DENND2B: variants seen among roughly 807,000 people sequenced by gnomAD.
The protein encoded by DENND2B is DENN domain-containing protein 2B.
A neutral mutation model predicts 116.0 loss-of-function variants in DENND2B; 32 were observed. The ratio of observed to expected loss-of-function variants is 0.28; its 90% confidence interval spans 0.21 to 0.37. The LOEUF is 0.37. Among genes scored for constraint, DENND2B ranks in the 10% least tolerant of loss-of-function variants. DENND2B has a pLI of 1.00. For synonymous variants in DENND2B, 588 were observed against 583.9 expected (o/e 1.01, Z -0.10); for missense variants, 1,276 against 1,477.7 (o/e 0.86, Z 2.24).
chr11:8,820,342 G>A (rs904033771), intron 4 of DENND2B, among the ~76,000 whole-genome samples: 2 of 152,106 alleles, frequency 1.3e-5, no homozygotes, highest in Non-Finnish European at 2.9e-5. Flanking sequence ...TAGTAAATGG[G>A]ATATGGCTTT....
chr11:8,846,766 T>C (rs2062829358), intron 3 of DENND2B, among the ~76,000 whole-genome samples: 1 of 152,198 alleles, frequency 6.6e-6, no homozygotes, highest in African/African-American at 2.4e-5. Context: ...ACCCTCATCA[T>C]TCTCTGTTTA....
At chr11:8,720,206 G>A (rs533359996) in intron 4 of DENND2B, among the ~76,000 whole-genome samples, 18 of 152,190 alleles carry the variant, frequency 1.2e-4, no homozygotes, top group African/African-American at 4.1e-4. Flanking sequence ...ACTTCCAATG[G>A]CTTCTGAGTG....
chr11:8,882,490 A>G (rs1051853942), intron 1 of DENND2B, among the ~76,000 whole-genome samples: 2 of 152,350 alleles, frequency 1.3e-5, no homozygotes, highest in Non-Finnish European at 2.9e-5. Context: ...ATCTATCAGT[A>G]TAAGTTCCAT....
chr11:8,777,689 T>A (rs2057893376), intron 1 of DENND2B, among the ~76,000 whole-genome samples: 1 of 152,214 alleles, frequency 6.6e-6, no homozygotes, highest in African/African-American at 2.4e-5. Context: ...AATACAGTTA[T>A]TCTTTTTCCC....
intron 1 of DENND2B, among the ~76,000 whole-genome samples, chr11:8,757,846 A>G (rs910652460): frequency 2.0e-5 from 3 of 152,192 alleles, no homozygotes; most frequent in Non-Finnish European, 2.9e-5. Flanking sequence ...ACTGCCTCCA[A>G]CTGTCTTCTA....
chr11:8,896,961 G>A (rs555788433), intron 1 of DENND2B, among the ~76,000 whole-genome samples: 34 of 152,168 alleles, frequency 2.2e-4, no homozygotes, highest in Non-Finnish European at 4.4e-4. Context: ...ACTGAGACTG[G>A]GCTCGGTGGC....
intron 2 of DENND2B, among the ~76,000 whole-genome samples, chr11:8,863,791 G>C (rs138784740): frequency 6.6e-6 from 1 of 151,984 alleles, no homozygotes; most frequent in Non-Finnish European, 1.5e-5. Context: ...GTACAGATTC[G>C]AGTGACTACT....
At chr11:8,864,291 A>C (rs1594291709) in intron 2 of DENND2B, among the ~76,000 whole-genome samples, 2 of 152,298 alleles carry the variant, frequency 1.3e-5, no homozygotes, top group African/African-American at 4.8e-5. Flanking sequence ...ATTTTCACTC[A>C]GGGGCTCACT....
intron 16 of DENND2B, 122 bp downstream of exon 16, chr11:8,698,811 A>C: frequency 4.3e-6 from 5 of 1,172,084 alleles, no homozygotes; most frequent in Non-Finnish European, 1.3e-6. Context: ...ACCCTTGACT[A>C]GTCTGTGAGT....
At chr11:8,853,811 T>C (rs1023706129) in intron 3 of DENND2B, among the ~76,000 whole-genome samples, 3 of 151,996 alleles carry the variant, frequency 2.0e-5, no homozygotes, top group Non-Finnish European at 4.4e-5. Context: ...AGTGAGGTTT[T>C]TATTTTTTTA....
intron 2 of DENND2B, among the ~76,000 whole-genome samples, chr11:8,743,493 T>C (rs1349127093): frequency 1.3e-5 from 2 of 151,386 alleles, no homozygotes; most frequent in African/African-American, 2.4e-5. Context: ...GAGGCTGCAG[T>C]GAGCCGAGAT....
chr11:8,735,420 A>G (rs2048848589), intron 2 of DENND2B, among the ~76,000 whole-genome samples: 1 of 152,236 alleles, frequency 6.6e-6, no homozygotes, highest in African/African-American at 2.4e-5. Context: ...GAGAACCACC[A>G]GAAAACCCAC....
chr11:8,908,992 C>T (rs1253840418), intron 1 of DENND2B, among the ~76,000 whole-genome samples: 1 of 152,076 alleles, frequency 6.6e-6, no homozygotes. Flanking sequence ...CATTCAAGGG[C>T]TATTTTTAGT....
At chr11:8,909,206 G>A (rs555050183) in intron 1 of DENND2B, among the ~76,000 whole-genome samples, 8 of 152,276 alleles carry the variant, frequency 5.3e-5, no homozygotes, top group African/African-American at 1.7e-4. Context: ...GAGAGCCTGG[G>A]CAACATAGGG....
At chr11:8,720,302 C>T (rs1257829126) in intron 4 of DENND2B, among the ~76,000 whole-genome samples, 1 of 152,028 alleles carries the variant, frequency 6.6e-6, no homozygotes, top group East Asian at 1.9e-4. Flanking sequence ...CTTTTCCCTA[C>T]AGTAAGAGCT....
chr11:8,892,643 C>T lies in DENND2B; in HGVS notation c.-255-11534G>A, dbSNP rs569198854. Among the ~76,000 whole-genome samples, 26 of 152,282 alleles carry T rather than the reference C, an allele frequency of 1.7e-4. No homozygotes were observed. In the South Asian group the frequency reaches 2.3e-3, roughly 13 times the overall value. ...CCTCTACGCAAATAAACTAGAAAAT[C>T]TAGAAGAAATGGATAAATTTCTGGA... On this transcript the variant is annotated intron_variant, in intron 1 of 22. Coordinates refer to the DENND2B transcript ENST00000534127.
At chr11:8,881,898 C>A (rs957258878) in intron 1 of DENND2B, among the ~76,000 whole-genome samples, 10 of 152,140 alleles carry the variant, frequency 6.6e-5, no homozygotes, top group Non-Finnish European at 1.5e-4. Context: ...TCTTACTTAA[C>A]TTCTCTATTC....
At chr11:8,739,190 G>A (rs918226032) in intron 2 of DENND2B, among the ~76,000 whole-genome samples, 3 of 152,168 alleles carry the variant, frequency 2.0e-5, no homozygotes, top group African/African-American at 4.8e-5. Context: ...AGACTTCCTC[G>A]CCTTTCTCTT....
chr11:8,753,349 GAAAT>G (rs573559568), intron 1 of DENND2B, among the ~76,000 whole-genome samples: 57 of 152,052 alleles, frequency 3.7e-4, no homozygotes, highest in South Asian at 1.5e-3. Flanking sequence ...AAATCACTTA[GAAAT>G]AAATAAAAGG....
Sources: gnomAD v4.1 joint callset for allele counts (sites outside exome capture counted in the v4.1 genomes callset) on GRCh38, gnomAD v4.1.1 for gene constraint, MANE v1.5 for transcripts, NCBI Gene and HGNC (gene_info 2026-07-23, HGNC 2026-07-21) for gene names.